The following SUMF1 variants were observed in gnomAD, a reference collection of about 807,000 sequenced individuals.
The protein encoded by SUMF1 is sulfatase modifying factor 1.
A neutral mutation model predicts 47.6 loss-of-function variants in SUMF1; 48 were observed. That is an observed-to-expected ratio of 1.01 (90% CI 0.80 to 1.28). The LOEUF is 1.28. Among genes scored for constraint, SUMF1 ranks in the 50% most tolerant of loss-of-function variants. SUMF1 has a pLI of 0.00. For synonymous variants in SUMF1, 230 were observed against 192.1 expected (o/e 1.20, Z -1.63); for missense variants, 571 against 485.4 (o/e 1.18, Z -1.66).
chr3:4,443,786 A>G (rs1246628477), intron 3 of SUMF1, among the ~76,000 whole-genome samples: 2 of 152,134 alleles, frequency 1.3e-5, no homozygotes, highest in Non-Finnish European at 2.9e-5. Context: ...AAGAAAAAAG[A>G]GAGAGAAAAA....
At chr3:4,379,667 C>A (rs1051960573) in intron 7 of SUMF1, among the ~76,000 whole-genome samples, 23 of 151,964 alleles carry the variant, frequency 1.5e-4, no homozygotes, top group Admixed American at 1.4e-3. Flanking sequence ...TATGGTGAAA[C>A]CCCATCTCAG....
chr3:4,317,403 C>T, intron 8 of SUMF1: 1 of 625,440 alleles, frequency 1.6e-6, no homozygotes, highest in Non-Finnish European at 2.7e-6. Flanking sequence ...AGAAATGTGG[C>T]CTGGCATGGT....
intron 7 of SUMF1, among the ~76,000 whole-genome samples, chr3:4,408,395 T>A (rs547110943): frequency 1.3e-5 from 2 of 152,238 alleles, no homozygotes; most frequent in African/African-American, 4.8e-5. Context: ...TACACAGTTA[T>A]CTATTACACT....
chr3:4,199,396 G>A (rs748906286), intron 8 of SUMF1, among the ~76,000 whole-genome samples: 8 of 151,970 alleles, frequency 5.3e-5, no homozygotes, highest in Non-Finnish European at 1.0e-4. Context: ...GGATATTTAC[G>A]TTGTCCAACT....
At chr3:4,199,587 T>A (rs1695499153) in intron 8 of SUMF1, among the ~76,000 whole-genome samples, 1 of 152,138 alleles carries the variant, frequency 6.6e-6, no homozygotes, top group African/African-American at 2.4e-5. Context: ...TCCATTTCCA[T>A]CAGCAATGTA....
At chr3:4,066,401 T>C (rs1415801279) in intron 9 of SUMF1, among the ~76,000 whole-genome samples, 4 of 152,072 alleles carry the variant, frequency 2.6e-5, no homozygotes, top group Middle Eastern at 3.2e-3. Flanking sequence ...ACCAACCAAA[T>C]TGTCTCATAG....
rs774233033 is a variant in SUMF1, at chr3:4,417,091, G to A, written c.840+37C>T. On this transcript the variant is annotated intron_variant, in intron 6 of 8. Transcript: ENST00000272902. ...TGTCTACTGGGAGCCTCAGTTCTCA[G>A]CAGCTGCCACCCTCCTGCAGAGGTC... 3.1e-6 allele frequency: 5 copies of A among 1,600,266 alleles called. No individual in the cohort carries two copies. In the South Asian group the frequency reaches 4.4e-5, roughly 14 times the overall value.
chr3:4,062,703 A>G (rs1398318643), intron 9 of SUMF1, among the ~76,000 whole-genome samples: 1 of 152,180 alleles, frequency 6.6e-6, no homozygotes, highest in Non-Finnish European at 1.5e-5. Flanking sequence ...TTAGCCATGT[A>G]GGTCATGAAA....
chr3:4,350,339 GTGTGTGTGTGTGTGTATAAT>G (rs1225934891), intron 8 of SUMF1, among the ~76,000 whole-genome samples: 1 of 147,192 alleles, frequency 6.8e-6, no homozygotes, highest in African/African-American at 2.5e-5. Flanking sequence ...ATGCGTGTGT[GTGTGTGTGTGTGTGTATAAT>G]TGTGTGTGTA....
At position 4,109,201 on chromosome 3, in the gene SUMF1, T is replaced by G. The variant is rs1440776988; in HGVS notation, c.1015-40456A>C. On this transcript the variant is annotated intron_variant and NMD_transcript_variant, in intron 8 of 12. Transcript: ENST00000448413. ...ACTTATGAAGCTTAGTTTGGCTGGA[T>G]ATGAAATTCTGTGTTGAAAATTCTT... is the stretch of plus-strand genomic sequence containing the variant. 3.3e-5 allele frequency among the ~76,000 whole-genome samples: 5 copies of G among 152,084 alleles called. No individual in the cohort carries two copies. In the South Asian group the frequency reaches 1.0e-3, roughly 32 times the overall value.
intron 8 of SUMF1, among the ~76,000 whole-genome samples, chr3:4,221,907 T>G (rs566743899): frequency 2.6e-5 from 4 of 152,086 alleles, no homozygotes; most frequent in Admixed American, 6.6e-5. Flanking sequence ...GAATTGTGAT[T>G]TTTTTTCTTT....
chr3:4,304,587 G>A (rs1018787690), intron 8 of SUMF1, among the ~76,000 whole-genome samples: 1 of 152,186 alleles, frequency 6.6e-6, no homozygotes, highest in Non-Finnish European at 1.5e-5. Context: ...ACTTCCCAGA[G>A]CCTGAGTTTC....
At chr3:4,406,296 T>C (rs1178758098) in intron 7 of SUMF1, among the ~76,000 whole-genome samples, 2 of 152,216 alleles carry the variant, frequency 1.3e-5, no homozygotes, top group Non-Finnish European at 2.9e-5. Context: ...CATTTAGCAG[T>C]AGTCCTTTAA....
At chr3:4,430,512 T>C (rs1258514340) in intron 3 of SUMF1, among the ~76,000 whole-genome samples, 2 of 152,250 alleles carry the variant, frequency 1.3e-5, no homozygotes, top group East Asian at 3.9e-4. Context: ...GGATATACCA[T>C]AACAAGCACT....
chr3:4,091,731 C>T (rs1222241653), intron 8 of SUMF1, among the ~76,000 whole-genome samples: 1 of 152,028 alleles, frequency 6.6e-6, no homozygotes, highest in Admixed American at 6.6e-5. Context: ...CCAGTTTGTG[C>T]AACCTATATT....
At chr3:4,048,307 T>C (rs1327990392) in intron 9 of SUMF1, among the ~76,000 whole-genome samples, 1 of 152,152 alleles carries the variant, frequency 6.6e-6, no homozygotes, top group African/African-American at 2.4e-5. Flanking sequence ...AAACATTTAA[T>C]AGCATATACG....
At chr3:4,265,990 C>T (rs1243850700) in intron 8 of SUMF1, among the ~76,000 whole-genome samples, 1 of 152,010 alleles carries the variant, frequency 6.6e-6, no homozygotes, top group African/African-American at 2.4e-5. Context: ...ATAGGGAATC[C>T]TTTCCCCATT....
At chr3:4,240,556 A>C (rs1235410455) in intron 8 of SUMF1, among the ~76,000 whole-genome samples, 2 of 152,054 alleles carry the variant, frequency 1.3e-5, no homozygotes, top group Non-Finnish European at 2.9e-5. Flanking sequence ...TGATAATTCA[A>C]ATTCTAAGCA....
rs1050913395 is a variant in SUMF1 at position 4,186,466 on chromosome 3, T to C, written c.1015-117721A>G. Among the ~76,000 whole-genome samples the C allele has an allele frequency of 5.3e-5, 8 of 152,240 alleles. No homozygotes were observed. In the South Asian group the frequency reaches 1.7e-3, roughly 32 times the overall value. On this transcript the variant is annotated intron_variant and NMD_transcript_variant, in intron 8 of 12. Transcript: ENST00000448413. ...CTTTAACCCTACACAAATTCAAATA[T>C]ATGTTGCTTGGTAAGAAATAATTTA...
Sources: allele counts gnomAD v4.1 joint callset (sites outside exome capture counted in the v4.1 genomes callset), GRCh38; gene constraint gnomAD v4.1.1; transcripts MANE v1.5; gene names NCBI Gene and HGNC (gene_info 2026-07-23, HGNC 2026-07-21).